The following CALN1 variants were observed in gnomAD, a reference collection of about 807,000 sequenced individuals.
CALN1 encodes the protein calneuron 1, also known as calcium-binding protein 8.
In CALN1, 17 loss-of-function variants were observed where a neutral mutation model predicts 30.6. That is an observed-to-expected ratio of 0.56 (90% CI 0.38 to 0.83). The LOEUF is 0.83. Ranked by LOEUF, CALN1 falls within the 40% of genes least tolerant of loss-of-function variation. CALN1 has a pLI of 0.00. For synonymous variants in CALN1, 156 were observed against 131.4 expected (o/e 1.19, Z -1.28); for missense variants, 291 against 354.9 (o/e 0.82, Z 1.45).
At position 72,376,524 on chromosome 7, in the gene CALN1, T is replaced by C. The variant is rs529412416; in HGVS notation, c.119+26727A>G. Among the ~76,000 whole-genome samples, 74 of 152,348 alleles carry C rather than the reference T, an allele frequency of 4.9e-4. No individual in the cohort carries two copies. The South Asian group carries it at 0.011, about 22-fold the overall frequency. The stretch of plus-strand genomic sequence containing the variant: ...CTTGTGTATCTTCTTTGGAGAAATA[T>C]CTACTCTAATTATTTGTCCTTTTTT... On this transcript the variant is annotated intron_variant, in intron 2 of 6. Transcript: ENST00000395275.
intron 1 of CALN1, among the ~76,000 whole-genome samples, chr7:72,439,988 C>T (rs578162364): frequency 6.6e-6 from 1 of 152,244 alleles, no homozygotes; most frequent in South Asian, 2.1e-4. Context: ...ATAAGTGGCC[C>T]CTTATAGTTC....
rs533876008 is a variant in CALN1, at chr7:72,373,387, C to T, written c.119+29864G>A. Among the ~76,000 whole-genome samples the T allele has an allele frequency of 3.3e-5, 5 of 152,272 alleles. No homozygotes were observed. In the South Asian group the frequency reaches 8.3e-4, roughly 25 times the overall value. ...TCAAATTTTGCAAAATGCAGACAGT[C>T]TCCAAATTAAAATGGTCTGACTTAG... On this transcript the variant is annotated intron_variant, in intron 2 of 6. Coordinates refer to ENST00000395275, the MANE Select transcript of CALN1 (RefSeq NM_031468.4).
At chr7:71,848,424 C>A (rs1291468230) in intron 5 of CALN1, among the ~76,000 whole-genome samples, 1 of 152,116 alleles carries the variant, frequency 6.6e-6, no homozygotes, top group Non-Finnish European at 1.5e-5. Flanking sequence ...CATTCTGTGT[C>A]CTGGTATTTG....
intron 2 of CALN1, among the ~76,000 whole-genome samples, chr7:72,395,997 C>A (rs1474462730): frequency 1.3e-5 from 2 of 151,826 alleles, no homozygotes; most frequent in African/African-American, 4.8e-5. Context: ...TTTGAACTGG[C>A]CATTGCTTGA....
At chr7:72,225,817 A>G (rs911874075) in intron 3 of CALN1, among the ~76,000 whole-genome samples, 4 of 152,132 alleles carry the variant, frequency 2.6e-5, no homozygotes, top group African/African-American at 9.7e-5. Context: ...GTGCAGGGAA[A>G]GAAATAGCAG....
chr7:71,969,442 G>A (rs59937976), intron 5 of CALN1, among the ~76,000 whole-genome samples: 19,400 of 151,932 alleles, frequency 0.13, 1,590 homozygotes, highest in East Asian at 0.37. Flanking sequence ...TTTAATCAAG[G>A]TACAGTGTAC....
At chr7:72,396,398 G>A (rs147523311) in intron 2 of CALN1, among the ~76,000 whole-genome samples, 11 of 148,744 alleles carry the variant, frequency 7.4e-5, no homozygotes, top group African/African-American at 2.5e-4. Context: ...ACTCCAGCTT[G>A]GGTGACAAAA....
chr7:72,333,739 C>T (rs1290843942), intron 2 of CALN1, among the ~76,000 whole-genome samples: 1 of 151,342 alleles, frequency 6.6e-6, no homozygotes, highest in African/African-American at 2.4e-5. Flanking sequence ...CCAGTCTGGG[C>T]TCAAACCAGT....
intron 4 of CALN1, among the ~76,000 whole-genome samples, chr7:72,029,623 T>C: frequency 6.6e-6 from 1 of 152,178 alleles, no homozygotes; most frequent in East Asian, 1.9e-4. Context: ...AGCTGAAGAC[T>C]AGGTTCATAA....
At chr7:72,201,926 G>A (rs890907119) in intron 3 of CALN1, among the ~76,000 whole-genome samples, 5 of 152,094 alleles carry the variant, frequency 3.3e-5, no homozygotes, top group Admixed American at 1.3e-4. Context: ...CAAGAACTAC[G>A]TCCGGACAGA....
chr7:72,337,055 C>G (rs1289922802), intron 2 of CALN1: 2 of 985,540 alleles, frequency 2.0e-6, no homozygotes, highest in African/African-American at 1.7e-5. Context: ...TCCTCTACCC[C>G]TCCCGCTCCC....
intron 3 of CALN1, among the ~76,000 whole-genome samples, chr7:72,166,281 A>T (rs1474733150): frequency 6.6e-6 from 1 of 152,190 alleles, no homozygotes; most frequent in African/African-American, 2.4e-5. Flanking sequence ...AGCTCACTGC[A>T]GCCTCTAACT....
rs973091295 is a variant in CALN1, at chr7:71,879,406, G to A, written c.502-68914C>T. 5.3e-5 allele frequency among the ~76,000 whole-genome samples: 8 copies of A among 152,266 alleles called. No individual in the cohort carries two copies. The East Asian group carries it at 7.8e-4, about 15-fold the overall frequency. ...CTCCAAAAGATTTTGTGCAAGAGGC[G>A]AAGACTTGTTTAAAGGAGGGGAGAT... On this transcript the variant is annotated intron_variant, in intron 5 of 6. Coordinates refer to ENST00000395275, the MANE Select transcript of CALN1 (RefSeq NM_031468.4).
intron 5 of CALN1, among the ~76,000 whole-genome samples, chr7:71,937,967 GAT>G (rs141388024): frequency 0.074 from 11,193 of 152,254 alleles, 725 homozygotes; most frequent in East Asian, 0.22. Flanking sequence ...ATTCAACACA[GAT>G]ATTTATGCAG....
At chr7:72,325,477 A>G (rs1451280743) in intron 2 of CALN1, among the ~76,000 whole-genome samples, 4 of 152,024 alleles carry the variant, frequency 2.6e-5, no homozygotes. Context: ...GGTGAGCACC[A>G]GTAATCCCAG....
intron 5 of CALN1, among the ~76,000 whole-genome samples, chr7:72,017,042 T>C (rs1021940344): frequency 7.4e-6 from 1 of 134,490 alleles, no homozygotes; most frequent in Admixed American, 7.3e-5. Flanking sequence ...CACACACCTG[T>C]AGTCCCAGCT....
intron 6 of CALN1, 30 bp downstream of exon 6, chr7:71,810,306 C>A (rs562025252): frequency 6.2e-7 from 1 of 1,608,588 alleles, no homozygotes; most frequent in East Asian, 2.2e-5. Context: ...TGTCCCGGAC[C>A]GGGGAGGGGA....
At chr7:72,410,682 C>A (rs538034656) in intron 1 of CALN1, among the ~76,000 whole-genome samples, 1 of 152,104 alleles carries the variant, frequency 6.6e-6, no homozygotes, top group South Asian at 2.1e-4. Flanking sequence ...AAATGAAAAC[C>A]AAGACCCTAT....
intron 3 of CALN1, among the ~76,000 whole-genome samples, chr7:72,258,075 C>G (rs1796028918): frequency 6.6e-6 from 1 of 151,960 alleles, no homozygotes; most frequent in African/African-American, 2.4e-5. Flanking sequence ...AGAACTTACC[C>G]ATGTAACCAA....
Sources: gnomAD v4.1 joint callset for allele counts (sites outside exome capture counted in the v4.1 genomes callset) on GRCh38, gnomAD v4.1.1 for gene constraint, MANE v1.5 for transcripts, NCBI Gene and HGNC (gene_info 2026-07-23, HGNC 2026-07-21) for gene names.